The following CARD19 variants were observed in gnomAD, a reference collection of about 807,000 sequenced individuals.
The protein encoded by CARD19 is caspase recruitment domain-containing protein 19.
Under a neutral mutation model 24.1 loss-of-function variants are expected in CARD19, and 25 were observed. That is an observed-to-expected ratio of 1.04 (90% confidence interval 0.76 to 1.45). The LOEUF is 1.45. Among genes scored for constraint, CARD19 ranks in the 40% most tolerant of loss-of-function variants. The probability of loss-of-function intolerance (pLI) is 0.00; values close to 1 mark genes in which losing one functional copy is unlikely to be tolerated. For missense variants in CARD19, 241 were observed against 247.4 expected (o/e 0.97, Z 0.17); for synonymous variants, 103 against 104.9 (o/e 0.98, Z 0.11).
chr9:93,111,190 T>G (rs1449728298), intron 3 of CARD19: 2 of 1,186,750 alleles, frequency 1.7e-6, no homozygotes, highest in East Asian at 6.0e-5. Context: ...CATAGGACAT[T>G]GTCAGGCACG....
intron 3 of CARD19, chr9:93,110,997 ATCT>A (rs1453825549): frequency 6.7e-7 from 1 of 1,493,808 alleles, no homozygotes; most frequent in East Asian, 2.7e-5. Context: ...AGCATGGGGC[ATCT>A]TATACGTCCA....
intron 3 of CARD19, chr9:93,111,589 G>T (rs929745605): frequency 3.9e-6 from 5 of 1,270,886 alleles, no homozygotes; most frequent in Non-Finnish European, 5.0e-6. Context: ...CCCCAGCCAC[G>T]AGTATGCCAC....
chr9:93,108,886 A>C (rs2130725804), intron 2 of CARD19: 1 of 152,376 alleles, frequency 6.6e-6, no homozygotes, highest in South Asian at 2.1e-4. Context: ...CCCCAGTGCC[A>C]GGTGGCCCTG....
In CARD19 at chr9:93,111,934, C is replaced by T; in HGVS notation, c.360C>T (p.Asn120=). 1 of 1,611,110 alleles carries T rather than the reference C, an allele frequency of 6.2e-7. No homozygotes were observed. The highest frequency in any genetic ancestry group is 1.3e-5 in the African/African-American group (1 of 74,950). Residue 120 remains asparagine (N), a synonymous_variant, in exon 4 of 6, where the codon AAC becomes AAT. Transcript: ENST00000375464. ...GCAGCCAGAGCGGCGAGCTGAGTAA[C>T]AGGGGTAACACCTCCCTGCTGCCCC... ...DSGSQSGELS[N]RGPMSFLAGL... is the part of the protein sequence containing the mutation.
rs140814692 is a variant in CARD19, at chr9:93,102,967, G to A, written c.8-4707G>A. 2.7e-4 allele frequency among the ~76,000 whole-genome samples: 41 copies of A among 152,074 alleles called. No homozygotes were observed. In the East Asian group the frequency reaches 6.9e-3, roughly 26 times the overall value. ...TAGAGATGAAATATTTTTGTGTGTT[G>A]ATTTTATATCTTGCAACCTTGCTGC... On this transcript the variant is annotated intron_variant, in intron 1 of 5. Coordinates refer to ENST00000375464, the MANE Select transcript of CARD19 (RefSeq NM_032310.5).
chr9:93,103,061 C>T (rs1426484539), intron 1 of CARD19, among the ~76,000 whole-genome samples: 1 of 152,176 alleles, frequency 6.6e-6, no homozygotes, highest in African/African-American at 2.4e-5. Context: ...ATCATGTCAT[C>T]TGTGAACAGA....
intron 5 of CARD19, 25 bp from the exon 6 acceptor site, chr9:93,112,967 T>C (rs769281044): frequency 6.5e-6 from 10 of 1,549,046 alleles, no homozygotes; most frequent in Non-Finnish European, 8.0e-6. Flanking sequence ...GTTCTTGAGC[T>C]TTTGCCTCCC....
rs777595679 is a variant in CARD19, at chr9:93,113,116, G to A, written c.*9G>A. 13 of 1,540,402 alleles carry A rather than the reference G, an allele frequency of 8.4e-6. No homozygotes were observed. Among genetic ancestry groups the A allele is most frequent in the Non-Finnish European group, 1.1e-5 (13 of 1,138,870 alleles). ...ACCTAGGGGGGCTCTGACAGACCCT[G>A]GACCCAGGGCCTCACCTGCCACTCA... On this transcript the variant is annotated 3_prime_UTR_variant, in exon 6 of 6. Coordinates refer to ENST00000375464, the MANE Select transcript of CARD19 (RefSeq NM_032310.5).
chr9:93,112,182 C>G (rs1443967474), intron 4 of CARD19, 36 bp from the exon 5 acceptor site: 1 of 1,538,132 alleles, frequency 6.5e-7, no homozygotes, highest in Non-Finnish European at 8.8e-7. Flanking sequence ...CCCTCTGAGG[C>G]CCAGGGGAGC....
At chr9:93,111,722 T>C in intron 3 of CARD19, 157 bp from the exon 4 acceptor site, 1 of 1,462,458 alleles carries the variant, frequency 6.8e-7, no homozygotes, top group Non-Finnish European at 9.1e-7. Context: ...ACCCAGACTG[T>C]GCATAGTTCC....
At chr9:93,110,787 T>C (rs1040206211) in intron 3 of CARD19, 66 bp downstream of exon 3, 6 of 1,553,790 alleles carry the variant, frequency 3.9e-6, no homozygotes, top group Non-Finnish European at 5.2e-6. Flanking sequence ...CAGCCTGCCG[T>C]TGATGGCATG....
rs568893510 is a variant in CARD19 at position 93,112,083 on chromosome 9, C to A, written c.365-135C>A. 1.2e-4 allele frequency: 163 copies of A among 1,337,926 alleles called. No individual in the cohort carries two copies. The South Asian group carries it at 1.4e-3, about 11-fold the overall frequency. The allele number at this position is 1,337,926 out of a possible 1,614,324, so 82.9% of individuals were successfully genotyped here. On this transcript the variant is annotated intron_variant, in intron 4 of 5. Coordinates refer to ENST00000375464, the MANE Select transcript of CARD19 (RefSeq NM_032310.5). ...CCTTCTGTTGGTGACAGACCCCCCC[C>A]CTAAGGTGCTCGTTTGGGGGCTCTT...
intron 1 of CARD19, among the ~76,000 whole-genome samples, chr9:93,097,803 C>T (rs896873975): frequency 6.6e-6 from 1 of 152,198 alleles, no homozygotes; most frequent in African/African-American, 2.4e-5. Context: ...GCAGGGGTCC[C>T]TGAAGGCTCT....
intron 1 of CARD19, among the ~76,000 whole-genome samples, chr9:93,105,709 T>C (rs978009332): frequency 6.6e-6 from 1 of 152,236 alleles, no homozygotes; most frequent in Non-Finnish European, 1.5e-5. Context: ...TATTAAAGCT[T>C]ATTTTGTGGC....
intron 5 of CARD19, 69 bp from the exon 6 acceptor site, chr9:93,112,923 A>G (rs957926328): frequency 4.1e-5 from 44 of 1,079,094 alleles, no homozygotes; most frequent in Non-Finnish European, 6.0e-5. Flanking sequence ...CCCCCGCAGG[A>G]GGGATGGAAA....
chr9:93,104,316 G>A (rs966317042), intron 1 of CARD19, among the ~76,000 whole-genome samples: 2 of 152,248 alleles, frequency 1.3e-5, no homozygotes, highest in East Asian at 3.9e-4. Flanking sequence ...TATTGCCCAA[G>A]TGTGGTCTTG....
chr9:93,103,317 C>T (rs1286381726), intron 1 of CARD19, among the ~76,000 whole-genome samples: 1 of 152,078 alleles, frequency 6.6e-6, no homozygotes, highest in African/African-American at 2.4e-5. Context: ...GGAATCCCCT[C>T]AAAATAATCT....
chr9:93,110,178 T>TA (rs1287394102), intron 2 of CARD19: 3 of 170,606 alleles, frequency 1.8e-5, no homozygotes, highest in African/African-American at 7.1e-5. Flanking sequence ...GTATTTTTAA[T>TA]AGAGTCGGGG....
At chr9:93,100,502 T>C (rs1456676242) in intron 1 of CARD19, among the ~76,000 whole-genome samples, 1 of 152,196 alleles carries the variant, frequency 6.6e-6, no homozygotes, top group Non-Finnish European at 1.5e-5. Flanking sequence ...CTGAATAATA[T>C]TCGTTGTATG....
Sources: gnomAD v4.1 joint callset for allele counts (sites outside exome capture counted in the v4.1 genomes callset) on GRCh38, gnomAD v4.1.1 for gene constraint, MANE v1.5 for transcripts, NCBI Gene and HGNC (gene_info 2026-07-23, HGNC 2026-07-21) for gene names.